MEGF9: variants seen among roughly 807,000 people sequenced by gnomAD.
MEGF9 encodes multiple EGF like domains 9.
Under a neutral mutation model 46.8 loss-of-function variants are expected in MEGF9, and 6 were observed. The observed-to-expected ratio is 0.13, with a 90% CI of 0.07 to 0.25. The LOEUF (loss-of-function observed/expected upper bound fraction) is 0.25, where lower values mean the gene tolerates loss of function less well. Among genes scored for constraint, MEGF9 ranks in the 10% least tolerant of loss-of-function variants. MEGF9 has a pLI of 1.00. For synonymous variants in MEGF9, 302 were observed against 330.7 expected, an observed-to-expected ratio of 0.91 and a Z score of 0.94; for missense variants, 683 against 792.4, an observed-to-expected ratio of 0.86 and a Z score of 1.66.
chr9:120,656,180 T>A (rs1224218876), intron 2 of MEGF9, among the ~76,000 whole-genome samples: 1 of 152,172 alleles, frequency 6.6e-6, no homozygotes, highest in Non-Finnish European at 1.5e-5. Context: ...AAGTTAACTA[T>A]ACCCTTTAAA....
At chr9:120,659,323 T>G (rs1489263228) in intron 2 of MEGF9, 51 bp downstream of exon 2, 1 of 1,535,940 alleles carries the variant, frequency 6.5e-7, no homozygotes, top group Non-Finnish European at 8.9e-7. Context: ...CAGCCTTTTT[T>G]TTCCCCTTGC....
chr9:120,666,964 G>T (rs1306303455), intron 1 of MEGF9, among the ~76,000 whole-genome samples: 2 of 151,978 alleles, frequency 1.3e-5, no homozygotes, highest in Admixed American at 1.3e-4. Context: ...GCAATACAGG[G>T]GAATTTTGAG....
At chr9:120,625,144 C>T (rs2043518571) in intron 2 of MEGF9, among the ~76,000 whole-genome samples, 1 of 152,176 alleles carries the variant, frequency 6.6e-6, no homozygotes, top group African/African-American at 2.4e-5. Flanking sequence ...CAAATTAAAC[C>T]TGTCTCTCAT....
chr9:120,639,224 C>T (rs937910526), intron 2 of MEGF9, among the ~76,000 whole-genome samples: 1 of 146,054 alleles, frequency 6.8e-6, no homozygotes, highest in Admixed American at 6.6e-5. Flanking sequence ...GAGTAGGAAC[C>T]CTGGGCAGGG....
At chr9:120,691,642 TTC>T (rs1263023915) in intron 1 of MEGF9, among the ~76,000 whole-genome samples, 1 of 152,216 alleles carries the variant, frequency 6.6e-6, no homozygotes, top group Non-Finnish European at 1.5e-5. Context: ...ATCAATTGAA[TTC>T]TTTCCCTGTG....
intron 1 of MEGF9, among the ~76,000 whole-genome samples, chr9:120,678,203 C>G: frequency 6.6e-6 from 1 of 152,156 alleles, no homozygotes; most frequent in Admixed American, 6.5e-5. Flanking sequence ...TTGATGGATA[C>G]TTGGGTTGCT....
intron 2 of MEGF9, among the ~76,000 whole-genome samples, chr9:120,628,219 C>T (rs1389470720): frequency 6.6e-6 from 1 of 152,042 alleles, no homozygotes; most frequent in East Asian, 1.9e-4. Flanking sequence ...AATAGTTTCT[C>T]CTCTTGTTAA....
chr9:120,677,422 C>T lies in MEGF9; in HGVS notation c.602-17847G>A, dbSNP rs1054901658. ...GCTGGTTCACAGGCCAGAGCCACTG[C>T]GTCTGGCATTTTTTTTCCAATCTGT... On this transcript the variant is annotated intron_variant, in intron 1 of 5. Coordinates refer to ENST00000373930, the MANE Select transcript of MEGF9 (RefSeq NM_001080497.3). Among the ~76,000 whole-genome samples the T allele has an allele frequency of 7.9e-5, 12 of 152,222 alleles. No individual in the cohort carries two copies. The East Asian group carries it at 2.3e-3, about 29-fold the overall frequency.
intron 2 of MEGF9, among the ~76,000 whole-genome samples, chr9:120,651,388 T>G (rs937153484): frequency 6.6e-6 from 1 of 152,228 alleles, no homozygotes; most frequent in Non-Finnish European, 1.5e-5. Context: ...GATAGGAGTA[T>G]ATACTCTAGA....
At chr9:120,652,182 A>ACACAC (rs1491252387) in intron 2 of MEGF9, among the ~76,000 whole-genome samples, 13 of 53,828 alleles carry the variant, frequency 2.4e-4, no homozygotes, top group African/African-American at 9.2e-4. Context: ...ACACACACAC[A>ACACAC]AAAAAAAAAA....
At chr9:120,710,638 T>C (rs2043949093) in intron 1 of MEGF9, among the ~76,000 whole-genome samples, 1 of 152,182 alleles carries the variant, frequency 6.6e-6, no homozygotes, top group South Asian at 2.1e-4. Flanking sequence ...AAAAAGCATC[T>C]ATAAGACCTA....
Position 120,699,038 on chromosome 9 carries a change from G to A in MEGF9, c.601+14720C>T, listed in dbSNP as rs555446631. On this transcript the variant is annotated intron_variant, in intron 1 of 5. Transcript: ENST00000373930. ...ACCAAAGACAAATCATGTTTGTGCT[G>A]GATCAGACACAAGAAAAACAGTCAC... is the stretch of plus-strand genomic sequence containing the variant. 3.3e-5 allele frequency among the ~76,000 whole-genome samples: 5 copies of A among 152,296 alleles called. No homozygotes were observed. The South Asian group carries it at 1.0e-3, about 32-fold the overall frequency.
At chr9:120,606,853 A>AT (rs1242402976) in intron 5 of MEGF9, among the ~76,000 whole-genome samples, 1 of 152,178 alleles carries the variant, frequency 6.6e-6, no homozygotes, top group East Asian at 1.9e-4. Context: ...ATTTATTCTA[A>AT]AAAGAGGCAA....
chr9:120,676,943 G>A (rs944701818), intron 1 of MEGF9, among the ~76,000 whole-genome samples: 12 of 152,104 alleles, frequency 7.9e-5, no homozygotes, highest in African/African-American at 2.4e-4. Context: ...CAGAGTTAGC[G>A]GGTAAGTGGT....
intron 1 of MEGF9, among the ~76,000 whole-genome samples, chr9:120,661,266 C>A (rs1345963790): frequency 1.3e-5 from 2 of 152,218 alleles, no homozygotes; most frequent in African/African-American, 4.8e-5. Flanking sequence ...GTAATCCTAG[C>A]ACTTTAGGAG....
chr9:120,673,996 C>G (rs1282235396), intron 1 of MEGF9, among the ~76,000 whole-genome samples: 1 of 148,476 alleles, frequency 6.7e-6, no homozygotes, highest in East Asian at 2.0e-4. Context: ...AAAATTAACT[C>G]AACATGGATC....
intron 3 of MEGF9, among the ~76,000 whole-genome samples, chr9:120,616,674 T>C (rs1331509370): frequency 3.0e-5 from 2 of 65,630 alleles, no homozygotes; most frequent in Admixed American, 4.0e-4. Flanking sequence ...CAAGACTCTG[T>C]CTCAAAAAAA....
rs562404493 is a variant in MEGF9 at position 120,649,868 on chromosome 9, C to T, written c.803+9506G>A. ...AGGAGGACTTACTGTGTAGCAGCAA[C>T]GACAGATTTTATGGAAAAGGATATT... On this transcript the variant is annotated intron_variant, in intron 2 of 5. Coordinates refer to ENST00000373930, the MANE Select transcript of MEGF9 (RefSeq NM_001080497.3). Among the ~76,000 whole-genome samples the T allele has an allele frequency of 1.4e-4, 21 of 152,266 alleles. No homozygotes were observed. In the South Asian group the frequency reaches 2.9e-3, roughly 21 times the overall value.
At chr9:120,660,491 G>A (rs2043697170) in intron 1 of MEGF9, among the ~76,000 whole-genome samples, 1 of 152,110 alleles carries the variant, frequency 6.6e-6, no homozygotes, top group South Asian at 2.1e-4. Flanking sequence ...TCTATCTGCT[G>A]TGCTATCAAA....
Sources: gnomAD v4.1 joint callset for allele counts (sites outside exome capture counted in the v4.1 genomes callset) on GRCh38, gnomAD v4.1.1 for gene constraint, MANE v1.5 for transcripts, NCBI Gene and HGNC (gene_info 2026-07-23, HGNC 2026-07-21) for gene names.